CNPY3: variants seen among roughly 807,000 people sequenced by gnomAD.
The protein encoded by CNPY3 is canopy FGF signaling regulator 3, also known as protein canopy homolog 3.
CNPY3 carries 20 observed loss-of-function variants against 32.0 expected under a neutral mutation model. The ratio of observed to expected loss-of-function variants is 0.63; its 90% CI spans 0.44 to 0.91. The LOEUF (loss-of-function observed/expected upper bound fraction) is 0.91, where lower values mean the gene tolerates loss of function less well. Ranked by LOEUF, CNPY3 falls within the 40% of genes least tolerant of loss-of-function variation. The pLI is 0.00. For synonymous variants in CNPY3, 138 were observed against 142.9 expected, an observed-to-expected ratio of 0.97 and a Z score of 0.24; for missense variants, 299 against 340.8, an observed-to-expected ratio of 0.88 and a Z score of 0.97.
In CNPY3 at chr6:42,929,565, C is replaced by A. The variant is rs759533065; in HGVS notation, c.-6C>A. On this transcript the variant is annotated 5_prime_UTR_variant, in exon 1 of 6. Transcript: ENST00000372836. The stretch of plus-strand genomic sequence containing the variant: ...CGGTCCTTTAGGGTCCGGGCCCGGC[C>A]GGGCCATGGATTCAATGCCTGAGCC... The A allele has an allele frequency of 1.3e-6, 2 of 1,570,162 alleles. No homozygotes were observed. Among genetic ancestry groups the A allele is most frequent in the Non-Finnish European group, 1.7e-6 (2 of 1,157,684 alleles).
intron 2 of CNPY3, 42 bp from the exon 3 acceptor site, chr6:42,935,532 G>T: frequency 3.8e-6 from 6 of 1,588,640 alleles, no homozygotes; most frequent in Non-Finnish European, 5.2e-6. Context: ...ACCCACTGCG[G>T]CTAGGAGGGG....
At chr6:42,930,295 T>C (rs1226301698) in intron 1 of CNPY3, among the ~76,000 whole-genome samples, 1 of 152,174 alleles carries the variant, frequency 6.6e-6, no homozygotes, top group Non-Finnish European at 1.5e-5. Context: ...TTGCACCCAC[T>C]AACAACTCCT....
intron 1 of CNPY3, 76 bp downstream of exon 1, chr6:42,929,797 G>A: frequency 2.0e-6 from 3 of 1,466,182 alleles, no homozygotes; most frequent in Non-Finnish European, 2.7e-6. Flanking sequence ...GAGCAGCGTC[G>A]GGGGTTGCAA....
intron 5 of CNPY3, 140 bp from the exon 6 acceptor site, chr6:42,938,428 C>T (rs1223079223): frequency 3.4e-6 from 3 of 887,698 alleles, no homozygotes; most frequent in Admixed American, 5.1e-5. Flanking sequence ...CTGGTGGCCA[C>T]AGCGAGAGGC....
Position 42,939,028 on chromosome 6 carries a change from T to C in CNPY3, c.*237T>C. 1 of 1,314,186 alleles carries C rather than the reference T, an allele frequency of 7.6e-7. No homozygotes were observed. The highest frequency in any genetic ancestry group is 9.7e-7 in the Non-Finnish European group (1 of 1,031,712). The allele number at this position is 1,314,186 out of a possible 1,614,324, so 81.4% of individuals were successfully genotyped here. A position where few individuals can be genotyped will look rare whatever the true frequency, so the allele number is the denominator to read the frequency against. ...TCCTGACCCAGGGTTCAGGCAGGCCTTGTGGTTTCAGGACTGCAAGGACTC... is the reference window on the plus strand; with the variant it reads ...TCCTGACCCAGGGTTCAGGCAGGCCCTGTGGTTTCAGGACTGCAAGGACTC... On this transcript the variant is annotated 3_prime_UTR_variant, in exon 6 of 6. Coordinates refer to ENST00000372836, the MANE Select transcript of CNPY3 (RefSeq NM_006586.5).
intron 1 of CNPY3, among the ~76,000 whole-genome samples, chr6:42,930,730 A>G (rs1350658902): frequency 1.3e-5 from 2 of 152,174 alleles, no homozygotes; most frequent in East Asian, 3.8e-4. Flanking sequence ...ATCAGGCCAG[A>G]TGTTCCCTAA....
Position 42,938,606 on chromosome 6 carries a change from A to G in CNPY3, c.652A>G (p.Thr218Ala). Reference sequence around the variant, plus strand: ...GCAGTGGTCCGGCAAGAAGGGAGACACAGCTGCCCTGGGAGGGAAGAAGTC... The same window carrying G: ...GCAGTGGTCCGGCAAGAAGGGAGACGCAGCTGCCCTGGGAGGGAAGAAGTC... ...AEQWSGKKGD[T>A]AALGGKKSKK... The change falls in exon 6 of 6, where the codon ACA becomes GCA. Residue 218 changes from threonine (T) to alanine (A), a missense_variant. Physicochemically the swap from Thr to Ala is moderately conservative, Grantham distance 58 (BLOSUM62 0). Around this residue, in one of 2 missense-constraint regions of CNPY3, gnomAD observed 211 missense variants for 278.3 expected, o/e 0.76. Transcript: ENST00000372836. 1 of 1,604,934 alleles carries G rather than the reference A, an allele frequency of 6.2e-7. No homozygotes were observed. The highest frequency in any genetic ancestry group is 8.5e-7 in the Non-Finnish European group (1 of 1,175,528).
At chr6:42,938,258 T>C in intron 5 of CNPY3, 51 bp downstream of exon 5, 1 of 1,388,976 alleles carries the variant, frequency 7.2e-7, no homozygotes, top group Non-Finnish European at 1.0e-6. Context: ...TTGTTTGCTC[T>C]CCCTTGGGGG....
chr6:42,936,905 G>T (rs1768275671), intron 3 of CNPY3, among the ~76,000 whole-genome samples: 1 of 152,136 alleles, frequency 6.6e-6, no homozygotes, highest in Non-Finnish European at 1.5e-5. Context: ...GTGTAAAAAG[G>T]CGGGGGGAGG....
intron 1 of CNPY3, among the ~76,000 whole-genome samples, chr6:42,932,995 C>CTAAGG (rs1014163393): frequency 1.3e-5 from 2 of 152,146 alleles, no homozygotes; most frequent in African/African-American, 4.8e-5. Flanking sequence ...AAGTCCCAGG[C>CTAAGG]TAAGGAAATA....
At chr6:42,935,704 G>C (rs369185039) in intron 3 of CNPY3, 34 bp downstream of exon 3, 1 of 1,593,792 alleles carries the variant, frequency 6.3e-7, no homozygotes, top group Non-Finnish European at 8.6e-7. Context: ...TCCGCTCTGG[G>C]GTCAGGCCTG....
In CNPY3 at chr6:42,938,898, C is replaced by T. The variant is rs952016367; in HGVS notation, c.*107C>T. On this transcript the variant is annotated 3_prime_UTR_variant, in exon 6 of 6. Transcript: ENST00000372836. ...CCCCGCAGCCTTCAGCCCCTCCTTG[C>T]CTTGGCTGTGCCCTCTTCTGCCAAG... 1 of 1,444,396 alleles carries T rather than the reference C, an allele frequency of 6.9e-7. No individual in the cohort carries two copies. The highest frequency in any genetic ancestry group is 2.8e-5 in the Admixed American group (1 of 35,340). The allele number at this position is 1,444,396 out of a possible 1,614,324, so 89.5% of individuals were successfully genotyped here.
chr6:42,933,569 T>A (rs770851039), intron 1 of CNPY3, among the ~76,000 whole-genome samples: 7 of 152,114 alleles, frequency 4.6e-5, no homozygotes, highest in Non-Finnish European at 8.8e-5. Flanking sequence ...TGGGGACAAT[T>A]AAGGAAATTT....
At chr6:42,938,254 GCT>G in intron 5 of CNPY3, 47 bp downstream of exon 5, 1 of 1,443,052 alleles carries the variant, frequency 6.9e-7, no homozygotes. Context: ...TGATTTGTTT[GCT>G]CTCCCTTGGG....
intron 2 of CNPY3, 143 bp downstream of exon 2, chr6:42,934,741 C>T (rs1768092877): frequency 4.5e-6 from 5 of 1,102,462 alleles, no homozygotes; most frequent in Non-Finnish European, 6.5e-6. Flanking sequence ...TGATTCTGTC[C>T]CCAGCTAATT....
rs772680123 is a variant in CNPY3, at chr6:42,937,789, T to C, written c.445T>C (p.Tyr149His). The change falls in exon 4 of 6, where the codon TAT (tyrosine) becomes CAT (histidine). Residue 149 changes from tyrosine (Y) to histidine (H), a missense_variant. Coordinates refer to ENST00000372836, the MANE Select transcript of CNPY3 (RefSeq NM_006586.5). Reference protein sequence around the residue: ...KGVKVVMDIPYELWNETSAEV... With the variant: ...KGVKVVMDIPHELWNETSAEV... ...GGTCAAGGTGGTGATGGACATCCCCTATGAGCTGTGGAACGAGACTTCTGC... is the reference window on the plus strand; with the variant it reads ...GGTCAAGGTGGTGATGGACATCCCCCATGAGCTGTGGAACGAGACTTCTGC... 6.2e-7 allele frequency: 1 copy of C among 1,613,984 alleles called. No homozygotes were observed. Among genetic ancestry groups the C allele is most frequent in the South Asian group, 1.1e-5 (1 of 91,060 alleles).
At chr6:42,938,000 C>G (rs1341069770) in intron 4 of CNPY3, 90 bp from the exon 5 acceptor site, 9 of 1,444,504 alleles carry the variant, frequency 6.2e-6, no homozygotes, top group Non-Finnish European at 8.7e-6. Context: ...CCACTGCCTA[C>G]CTTGCAGTGG....
upstream of CNPY3, among the ~76,000 whole-genome samples, chr6:42,928,865 G>A (rs1450851729): frequency 6.6e-6 from 1 of 152,160 alleles, no homozygotes; most frequent in Admixed American, 6.5e-5. Context: ...GCAGCTAGGA[G>A]GATCACTTTG....
In CNPY3 at chr6:42,929,696, G is replaced by A; in HGVS notation, c.126G>A (p.Trp42Ter). ...AGGCCGGAGCTGAGGAGAACGACTG[G>A]GTTCGCCTGCCCAGCAAATGCGAAG... is the stretch of plus-strand genomic sequence containing the variant. ...PSQAGAEENDWVRLPSKCEVC... is the reference protein window; with the variant it reads ...PSQAGAEEND The change falls in exon 1 of 6, where the codon TGG (tryptophan) becomes TGA (stop). Residue 42 changes from tryptophan (W) to a stop codon, truncating the protein, a stop_gained. Coordinates refer to ENST00000372836, the MANE Select transcript of CNPY3 (RefSeq NM_006586.5). LOFTEE classifies it high-confidence loss of function. 2 of 1,549,490 alleles carry A rather than the reference G, an allele frequency of 1.3e-6. No individual in the cohort carries two copies. Among genetic ancestry groups the A allele is most frequent in the Non-Finnish European group, 1.7e-6 (2 of 1,146,146 alleles).
Sources: gnomAD v4.1 joint callset for allele counts (sites outside exome capture counted in the v4.1 genomes callset) on GRCh38, gnomAD v4.1.1 for gene constraint, gnomAD v4.1.1 regional missense constraint, MANE v1.5 for transcripts, NCBI Gene and HGNC (gene_info 2026-07-23, HGNC 2026-07-21) for gene names.